CNTN5: variants seen among roughly 807,000 people sequenced by gnomAD.
CNTN5 encodes contactin 5, also known as contactin-5.
A neutral mutation model predicts 129.1 loss-of-function variants in CNTN5; 77 were observed. That is an observed-to-expected ratio of 0.60 (90% CI 0.50 to 0.72). CNTN5 has a LOEUF of 0.72. Ranked by LOEUF, CNTN5 falls within the 30% of genes least tolerant of loss-of-function variation. CNTN5 has a pLI of 0.00. For missense variants in CNTN5, 1,478 were observed against 1,328.8 expected (o/e 1.11, Z -1.75); for synonymous variants, 509 against 465.6 (o/e 1.09, Z -1.20).
intron 1 of CNTN5, among the ~76,000 whole-genome samples, chr11:99,087,216 T>C (rs1463334927): frequency 1.3e-5 from 2 of 152,222 alleles, no homozygotes; most frequent in African/African-American, 4.8e-5. Flanking sequence ...TTAACTCTTA[T>C]GCTCTTAAAG....
chr11:100,176,472 A>G (rs1159892525), intron 13 of CNTN5, among the ~76,000 whole-genome samples: 1 of 152,138 alleles, frequency 6.6e-6, no homozygotes. Flanking sequence ...TGTTGAAACT[A>G]TAGTGCTTAA....
chr11:99,991,575 G>A (rs1939101304), intron 8 of CNTN5, among the ~76,000 whole-genome samples: 1 of 152,218 alleles, frequency 6.6e-6, no homozygotes, highest in Non-Finnish European at 1.5e-5. Flanking sequence ...TTAATTTCAT[G>A]AGAGAATGGC....
At chr11:99,600,941 T>C (rs1950293917) in intron 3 of CNTN5, among the ~76,000 whole-genome samples, 4 of 152,194 alleles carry the variant, frequency 2.6e-5, no homozygotes, top group African/African-American at 9.6e-5. Context: ...TTCTACTGTA[T>C]CAAGCAGCAT....
chr11:100,033,772 C>T (rs964195736), intron 9 of CNTN5, among the ~76,000 whole-genome samples: 3 of 152,174 alleles, frequency 2.0e-5, no homozygotes, highest in African/African-American at 7.2e-5. Flanking sequence ...CAGTGCTGCA[C>T]ACCAGTCTTC....
chr11:100,271,282 T>C, intron 18 of CNTN5, 41 bp downstream of exon 18: 1 of 1,480,934 alleles, frequency 6.8e-7, no homozygotes, highest in East Asian at 2.4e-5. Flanking sequence ...GGTATGCTTC[T>C]AATCGTCTTG....
intron 9 of CNTN5, among the ~76,000 whole-genome samples, chr11:100,015,340 G>C (rs989077126): frequency 5.3e-5 from 8 of 151,902 alleles, no homozygotes; most frequent in African/African-American, 1.7e-4. Flanking sequence ...TTTCTACTTG[G>C]GTTCTAGCAT....
intron 1 of CNTN5, among the ~76,000 whole-genome samples, chr11:99,039,103 T>C (rs1205070271): frequency 2.6e-5 from 4 of 152,152 alleles, no homozygotes; most frequent in Non-Finnish European, 5.9e-5. Context: ...GATTGAAAAT[T>C]TTGAAAACTG....
chr11:99,127,211 C>G (rs938859911), intron 1 of CNTN5, among the ~76,000 whole-genome samples: 4 of 152,292 alleles, frequency 2.6e-5, no homozygotes, highest in Non-Finnish European at 2.9e-5. Context: ...ATGCTTCTTC[C>G]TCACTTACAT....
chr11:99,600,853 A>G (rs1162120528), intron 3 of CNTN5, among the ~76,000 whole-genome samples: 1 of 152,198 alleles, frequency 6.6e-6, no homozygotes, highest in Non-Finnish European at 1.5e-5. Context: ...ATTTTCAAGA[A>G]GCTCAAAGGT....
intron 2 of CNTN5, among the ~76,000 whole-genome samples, chr11:99,470,810 A>AT (rs1296458526): frequency 1.5e-5 from 1 of 67,310 alleles, no homozygotes; most frequent in East Asian, 4.1e-4. Flanking sequence ...AAAATCACAA[A>AT]TTTATTTTTT....
At chr11:99,897,925 G>C (rs370010821) in intron 6 of CNTN5, among the ~76,000 whole-genome samples, 11 of 152,082 alleles carry the variant, frequency 7.2e-5, no homozygotes, top group Non-Finnish European at 1.3e-4. Flanking sequence ...ACATCCATAG[G>C]CTCAAAGTAA....
chr11:99,299,768 T>C (rs751395889), intron 1 of CNTN5, among the ~76,000 whole-genome samples: 1 of 152,284 alleles, frequency 6.6e-6, no homozygotes, highest in East Asian at 1.9e-4. Context: ...AGTGTGCGCA[T>C]GTGTGTGTGT....
At chr11:99,778,986 G>A (rs187512863) in intron 3 of CNTN5, among the ~76,000 whole-genome samples, 1 of 151,706 alleles carries the variant, frequency 6.6e-6, no homozygotes, top group South Asian at 2.1e-4. Flanking sequence ...AGATTATATA[G>A]TGTTTTATTT....
intron 8 of CNTN5, among the ~76,000 whole-genome samples, chr11:99,969,893 C>T (rs1471795805): frequency 1.3e-5 from 2 of 152,116 alleles, no homozygotes; most frequent in Admixed American, 1.3e-4. Context: ...AAACTCCACT[C>T]CTCACCCCCA....
chr11:99,303,816 C>T (rs889112076), intron 1 of CNTN5, among the ~76,000 whole-genome samples: 1 of 152,076 alleles, frequency 6.6e-6, no homozygotes, highest in African/African-American at 2.4e-5. Flanking sequence ...GCTGTCAGTA[C>T]TTATGTTGAG....
intron 3 of CNTN5, among the ~76,000 whole-genome samples, chr11:99,773,455 TCA>T (rs1309847959): frequency 6.6e-6 from 1 of 152,096 alleles, no homozygotes; most frequent in African/African-American, 2.4e-5. Flanking sequence ...TTGGACATTA[TCA>T]CAGTCTTTGG....
chr11:99,248,530 C>T (rs1242333686), intron 1 of CNTN5, among the ~76,000 whole-genome samples: 1 of 152,074 alleles, frequency 6.6e-6, no homozygotes, highest in Non-Finnish European at 1.5e-5. Flanking sequence ...GACATGAAGT[C>T]CTTGCCCATG....
chr11:99,692,723 A>AT (rs1317147405), intron 3 of CNTN5, among the ~76,000 whole-genome samples: 10 of 152,060 alleles, frequency 6.6e-5, no homozygotes, highest in Middle Eastern at 3.4e-3. Flanking sequence ...TTTGCAAAAC[A>AT]TTTTTTTCAT....
rs1287999705 is a variant in CNTN5, at chr11:99,700,487, A to G, written c.56-119057A>G. ...AGGCTATGCAGACATACATTACATGATTTTGTTCAATGTCTCCATTTTTAT... is the reference window on the plus strand; with the variant it reads ...AGGCTATGCAGACATACATTACATGGTTTTGTTCAATGTCTCCATTTTTAT... On this transcript the variant is annotated intron_variant, in intron 3 of 24. Coordinates refer to ENST00000524871, the MANE Select transcript of CNTN5 (RefSeq NM_014361.4). 2.0e-5 allele frequency among the ~76,000 whole-genome samples: 3 copies of G among 151,512 alleles called. No individual in the cohort carries two copies. In the East Asian group the frequency reaches 5.9e-4, roughly 30 times the overall value.
Sources: gnomAD v4.1 joint callset for allele counts (sites outside exome capture counted in the v4.1 genomes callset) on GRCh38, gnomAD v4.1.1 for gene constraint, MANE v1.5 for transcripts, NCBI Gene and HGNC (gene_info 2026-07-23, HGNC 2026-07-21) for gene names.